ABCA3: variants seen among roughly 807,000 people sequenced by gnomAD.
ABCA3 encodes the protein phospholipid-transporting ATPase ABCA3.
In ABCA3, 88 loss-of-function variants were observed where a neutral mutation model predicts 172.8. The ratio of observed to expected loss-of-function variants is 0.51; its 90% confidence interval spans 0.43 to 0.61. The LOEUF (loss-of-function observed/expected upper bound fraction) is 0.61, where lower values mean the gene tolerates loss of function less well. ABCA3 is among the 20% of genes least tolerant of loss of function. The pLI, the probability that ABCA3 is intolerant of heterozygous loss-of-function variation, is 0.00. For missense variants in ABCA3, 2,164 were observed against 2,301.0 expected (o/e 0.94, Z 1.22); for synonymous variants, 1,066 against 983.8 (o/e 1.08, Z -1.56).
chr16:2,283,136 G>C lies in ABCA3; in HGVS notation c.4035+50C>G. ...CCCCAGGTTGTGCTGGGCCCAAGCAGAGACGTGGGGAGCATCTCGCCAGTG... is the reference window on the plus strand; with the variant it reads ...CCCCAGGTTGTGCTGGGCCCAAGCACAGACGTGGGGAGCATCTCGCCAGTG... On this transcript the variant is annotated intron_variant, in intron 26 of 32. Coordinates refer to ENST00000301732, the MANE Select transcript of ABCA3 (RefSeq NM_001089.3). This position sits in a 1 kb window ranked among gnomAD's most constrained non-coding sequence, Gnocchi z 5.4. 6.3e-7 allele frequency: 1 copy of C among 1,579,486 alleles called. No homozygotes were observed. The highest frequency in any genetic ancestry group is 1.3e-5 in the African/African-American group (1 of 74,414).
intron 10 of ABCA3, among the ~76,000 whole-genome samples, chr16:2,310,407 A>T (rs2093704717): frequency 6.8e-6 from 1 of 146,398 alleles, no homozygotes; most frequent in Non-Finnish European, 1.5e-5. Flanking sequence ...ACTCTGTCTC[A>T]AAACAAACAA....
At chr16:2,319,925 G>A in intron 7 of ABCA3, 85 bp from the exon 8 acceptor site, 1 of 1,574,796 alleles carries the variant, frequency 6.4e-7, no homozygotes, top group Non-Finnish European at 8.6e-7. Context: ...GTCCATGGGG[G>A]AAGAGATGCT....
intron 1 of ABCA3, among the ~76,000 whole-genome samples, chr16:2,331,256 G>C (rs9936418): frequency 0.14 from 21,807 of 151,762 alleles, 5,054 homozygotes; most frequent in African/African-American, 0.49. Flanking sequence ...CTCTGTCGCC[G>C]AGGCTGGGCA....
chr16:2,298,612 C>T (rs2093683929), intron 14 of ABCA3, 72 bp from the exon 15 acceptor site: 7 of 1,569,926 alleles, frequency 4.5e-6, no homozygotes, highest in Non-Finnish European at 1.7e-6. Context: ...AATGACCCCC[C>T]ACCCCCTCTC....
At chr16:2,333,984 G>A (rs566833543) in intron 1 of ABCA3, among the ~76,000 whole-genome samples, 1 of 152,152 alleles carries the variant, frequency 6.6e-6, no homozygotes, top group African/African-American at 2.4e-5. Flanking sequence ...GAGCCACCAC[G>A]CCTGGCCGAT....
intron 18 of ABCA3, among the ~76,000 whole-genome samples, chr16:2,293,116 G>A (rs3114134): frequency 0.45 from 68,292 of 151,176 alleles, 16,268 homozygotes; most frequent in Admixed American, 0.53. Context: ...CAGTGGCACA[G>A]TCTCGGCTCA....
Position 2,287,912 on chromosome 16 carries a change from G to C in ABCA3, c.3004+114C>G, listed in dbSNP as rs912608759. ...TGCTGAACCTCCCTCAGTACATTCG[G>C]AACAGCCAAGAACCATCCTCCCCAG... is the stretch of plus-strand genomic sequence containing the variant. On this transcript the variant is annotated intron_variant, in intron 21 of 32. Coordinates refer to ENST00000301732, the MANE Select transcript of ABCA3 (RefSeq NM_001089.3). The surrounding 1 kb of genome is among the most constrained non-coding windows in gnomAD (Gnocchi z 4.1). 7 of 1,347,490 alleles carry C rather than the reference G, an allele frequency of 5.2e-6. No homozygotes were observed. The highest frequency in any genetic ancestry group is 4.3e-5 in the African/African-American group (3 of 70,054). The allele number at this position is 1,347,490 out of a possible 1,614,324, so 83.5% of individuals were successfully genotyped here.
At chr16:2,332,785 G>T in intron 1 of ABCA3, 2 of 722,618 alleles carry the variant, frequency 2.8e-6, no homozygotes, top group South Asian at 1.7e-5. Context: ...TGCACCATAG[G>T]CTTGAATTTG....
At chr16:2,301,154 C>A (rs567402239) in intron 12 of ABCA3, among the ~76,000 whole-genome samples, 2 of 149,804 alleles carry the variant, frequency 1.3e-5, no homozygotes, top group African/African-American at 5.1e-5. Flanking sequence ...TGGCGTGAAC[C>A]CGGGAGGCGG....
At position 2,317,487 on chromosome 16, in the gene ABCA3, C is replaced by T. The variant is rs34465231; in HGVS notation, c.991-84G>A. On this transcript the variant is annotated intron_variant, in intron 9 of 32. Coordinates refer to ENST00000301732, the MANE Select transcript of ABCA3 (RefSeq NM_001089.3). Reference sequence around the variant, plus strand: ...TCCTGACCATCCCTGGTCACAGGGACGCGGCTCCACCGAGAGGAGTGGGAC... The same window carrying T: ...TCCTGACCATCCCTGGTCACAGGGATGCGGCTCCACCGAGAGGAGTGGGAC... 6.8e-3 allele frequency: 10,182 copies of T among 1,496,434 alleles called. 53 individuals carry two copies. The highest frequency in any genetic ancestry group is 0.032 in the Middle Eastern group (185 of 5,764). The allele number at this position is 1,496,434 out of a possible 1,614,324, so 92.7% of individuals were successfully genotyped here.
intron 11 of ABCA3, among the ~76,000 whole-genome samples, chr16:2,305,480 AGAG>A (rs1760963632): frequency 6.6e-6 from 1 of 152,112 alleles, no homozygotes; most frequent in Non-Finnish European, 1.5e-5. Context: ...TATTTTTAGT[AGAG>A]ACGGAGTTTC....
intron 5 of ABCA3, among the ~76,000 whole-genome samples, chr16:2,325,475 C>A (rs764437367): frequency 3.9e-5 from 6 of 152,278 alleles, no homozygotes; most frequent in South Asian, 2.1e-4. Flanking sequence ...GCTCAGCCGC[C>A]GAGAAGAGAT....
chr16:2,279,006 A>AC lies in ABCA3; in HGVS notation c.4483dup (p.Val1495GlyfsTer25). On this transcript the variant is annotated frameshift_variant, in exon 29 of 33. Transcript: ENST00000301732. LOFTEE classifies it high-confidence loss of function. This position sits in a 1 kb window ranked among gnomAD's most constrained non-coding sequence, Gnocchi z 4.4. ...CAGCAGGCCCCGCAGAGTGTTCTCC[A>AC]CGCAGGCCCCGATGTGGCGCTCAGG... 1 of 1,613,514 alleles carries AC rather than the reference A, an allele frequency of 6.2e-7. No homozygotes were observed. Among genetic ancestry groups the AC allele is most frequent in the Non-Finnish European group, 8.5e-7 (1 of 1,180,020 alleles).
Position 2,297,685 on chromosome 16 carries a change from C to T in ABCA3, c.2052+81G>A. 1 of 1,598,262 alleles carries T rather than the reference C, an allele frequency of 6.3e-7. No individual in the cohort carries two copies. Among genetic ancestry groups the T allele is most frequent in the Non-Finnish European group, 8.5e-7 (1 of 1,178,056 alleles). ...TGGCCTTGTCTGGGGTGTCAAGGGC[C>T]AAGGTGCCCGGGCCATGGCGGAAGG... On this transcript the variant is annotated intron_variant, in intron 16 of 32. Transcript: ENST00000301732. The surrounding 1 kb of genome is among the most constrained non-coding windows in gnomAD (Gnocchi z 5.6).
intron 18 of ABCA3, 26 bp from the exon 19 acceptor site, chr16:2,292,264 G>T: frequency 6.3e-7 from 1 of 1,581,444 alleles, no homozygotes; most frequent in Non-Finnish European, 8.7e-7. Context: ...AGCATTATGA[G>T]TCACTTCTCA....
At chr16:2,280,131 C>T (rs1216229166) in intron 28 of ABCA3, among the ~76,000 whole-genome samples, 1 of 152,242 alleles carries the variant, frequency 6.6e-6, no homozygotes, top group African/African-American at 2.4e-5. Context: ...TCTCTCTCTT[C>T]CTTCTGGAAC....
chr16:2,304,537 T>C (rs1004995019), intron 11 of ABCA3, among the ~76,000 whole-genome samples: 11 of 144,532 alleles, frequency 7.6e-5, no homozygotes, highest in African/African-American at 2.6e-4. Flanking sequence ...GATGGAGTCT[T>C]GCTCTGTCGC....
rs904236168 is a variant in ABCA3, at chr16:2,285,306, T to C, written c.3483+136A>G. On this transcript the variant is annotated intron_variant, in intron 23 of 32. Coordinates refer to ENST00000301732, the MANE Select transcript of ABCA3 (RefSeq NM_001089.3). The surrounding 1 kb of genome is among the most constrained non-coding windows in gnomAD (Gnocchi z 4.7). The stretch of plus-strand genomic sequence containing the variant: ...AGGCGAGGGGGCAGCCGCCAGGGGA[T>C]TCCAGCTGTCCTCCCTGAGTCGGGC... 9 of 1,105,362 alleles carry C rather than the reference T, an allele frequency of 8.1e-6. No homozygotes were observed. Among genetic ancestry groups the C allele is most frequent in the Admixed American group, 4.0e-5 (2 of 50,392 alleles). 68.5% of individuals were successfully genotyped at this position (1,105,362 alleles called of 1,614,324 possible).
At chr16:2,337,548 A>ATTT (rs544223399) in intron 1 of ABCA3, among the ~76,000 whole-genome samples, 3 of 125,212 alleles carry the variant, frequency 2.4e-5, no homozygotes, top group African/African-American at 5.7e-5. Flanking sequence ...TAATTGTTTG[A>ATTT]TTTTTTTTTT....
Sources: allele counts gnomAD v4.1 joint callset (sites outside exome capture counted in the v4.1 genomes callset), GRCh38; gene constraint gnomAD v4.1.1; non-coding constraint Gnocchi (gnomAD v3.1); transcripts MANE v1.5; gene names NCBI Gene and HGNC (gene_info 2026-07-23, HGNC 2026-07-21).